The following EPB41L5 variants were observed in gnomAD, a reference collection of about 807,000 sequenced individuals.
EPB41L5 encodes the protein erythrocyte membrane protein band 4.1 like 5, also known as band 4.1-like protein 5.
Under a neutral mutation model 106.6 loss-of-function variants are expected in EPB41L5, and 55 were observed. The observed-to-expected ratio is 0.52, with a 90% confidence interval of 0.42 to 0.65. The LOEUF (loss-of-function observed/expected upper bound fraction) is 0.65. Ranked by LOEUF, EPB41L5 falls within the 30% of genes least tolerant of loss-of-function variation. The pLI, the probability that EPB41L5 is intolerant of heterozygous loss-of-function variation, is 0.00. For synonymous variants in EPB41L5, 297 were observed against 306.7 expected (o/e 0.97, Z 0.33); for missense variants, 871 against 882.1 (o/e 0.99, Z 0.16).
At chr2:120,112,744 C>T (rs1336538601) in intron 16 of EPB41L5, among the ~76,000 whole-genome samples, 2 of 152,138 alleles carry the variant, frequency 1.3e-5, no homozygotes, top group South Asian at 2.1e-4. Context: ...GGGAAGGTAT[C>T]GTGATAATAA....
rs1687321181 is a variant in EPB41L5, at chr2:120,164,889, T to G, written c.1941T>G (p.Ile647Met). 1 of 1,611,012 alleles carries G rather than the reference T, an allele frequency of 6.2e-7. No individual in the cohort carries two copies. Among genetic ancestry groups the G allele is most frequent in the Non-Finnish European group, 8.5e-7 (1 of 1,178,636 alleles). ...ALLASLTENL[I>M]DHTVAPQVSS... ...TTGCATCTCTAACTGAGAATCTAATTGATCACACAGTTGCACCTCAGGTAA... is the reference window on the plus strand; with the variant it reads ...TTGCATCTCTAACTGAGAATCTAATGGATCACACAGTTGCACCTCAGGTAA... Residue 647 changes from isoleucine to methionine, a missense_variant, in exon 22 of 25, where the codon ATT (isoleucine) becomes ATG (methionine). Transcript: ENST00000263713.
At chr2:120,039,443 T>C (rs1679252211) in intron 2 of EPB41L5, among the ~76,000 whole-genome samples, 1 of 152,098 alleles carries the variant, frequency 6.6e-6, no homozygotes, top group South Asian at 2.1e-4. Flanking sequence ...TGTGTTATAC[T>C]TTAAAAAAAG....
At chr2:120,071,333 A>G (rs943610280) in intron 3 of EPB41L5, among the ~76,000 whole-genome samples, 2 of 152,208 alleles carry the variant, frequency 1.3e-5, no homozygotes, top group African/African-American at 2.4e-5. Flanking sequence ...GTAAGAGAGG[A>G]CACAAACAAA....
intron 12 of EPB41L5, 120 bp from the exon 13 acceptor site, chr2:120,091,435 C>A: frequency 1.5e-6 from 1 of 658,350 alleles, no homozygotes; most frequent in Non-Finnish European, 2.7e-6. Flanking sequence ...AGTAGCTGTT[C>A]CTGTGCGATG....
intron 3 of EPB41L5, among the ~76,000 whole-genome samples, chr2:120,043,330 C>T (rs1425369653): frequency 6.6e-6 from 1 of 151,890 alleles, no homozygotes; most frequent in African/African-American, 2.4e-5. Flanking sequence ...TACTTGAGGT[C>T]AGGAGTTTGA....
chr2:120,137,644 C>G (rs1685984995), intron 18 of EPB41L5, among the ~76,000 whole-genome samples: 2 of 151,960 alleles, frequency 1.3e-5, no homozygotes, highest in Non-Finnish European at 2.9e-5. Context: ...CCTACCAGGA[C>G]TGAACCAAGA....
At chr2:120,074,367 A>C (rs990600516) in intron 5 of EPB41L5, 189 bp downstream of exon 5, 1 of 518,164 alleles carries the variant, frequency 1.9e-6, no homozygotes, top group Non-Finnish European at 3.4e-6. Context: ...TAGCATTTTC[A>C]AAATAAAGAG....
intron 16 of EPB41L5, among the ~76,000 whole-genome samples, chr2:120,109,827 T>G (rs1684637686): frequency 6.6e-6 from 1 of 152,234 alleles, no homozygotes; most frequent in Non-Finnish European, 1.5e-5. Context: ...CTCTTCTTTC[T>G]CTTAATCTCT....
intron 3 of EPB41L5, among the ~76,000 whole-genome samples, chr2:120,049,213 T>G (rs1680043831): frequency 6.6e-6 from 1 of 152,206 alleles, no homozygotes; most frequent in African/African-American, 2.4e-5. Flanking sequence ...TTCCTGGATA[T>G]CCTTGTTAAC....
intron 1 of EPB41L5, among the ~76,000 whole-genome samples, chr2:120,014,578 C>A (rs1558793343): frequency 1.3e-5 from 2 of 152,160 alleles, no homozygotes; most frequent in Non-Finnish European, 2.9e-5. Flanking sequence ...CGAATTTAGA[C>A]TCACAAGTCT....
chr2:120,135,736 A>T (rs1186982964), intron 18 of EPB41L5, among the ~76,000 whole-genome samples: 1 of 152,144 alleles, frequency 6.6e-6, no homozygotes, highest in African/African-American at 2.4e-5. Context: ...CTAAAATAGT[A>T]TATCCATGTT....
chr2:120,049,566 G>T (rs986681724), intron 3 of EPB41L5, among the ~76,000 whole-genome samples: 3 of 151,902 alleles, frequency 2.0e-5, no homozygotes, highest in African/African-American at 7.3e-5. Flanking sequence ...TGTCTCTGCA[G>T]GTGAGATGGG....
At chr2:120,128,709 T>G (rs1041688787) in intron 17 of EPB41L5, among the ~76,000 whole-genome samples, 2 of 130,526 alleles carry the variant, frequency 1.5e-5, no homozygotes, top group African/African-American at 6.0e-5. Context: ...TACATCATGG[T>G]TTTTTTTTTT....
intron 3 of EPB41L5, among the ~76,000 whole-genome samples, chr2:120,051,759 G>T (rs1398237284): frequency 2.6e-5 from 4 of 152,154 alleles, no homozygotes; most frequent in African/African-American, 9.7e-5. Flanking sequence ...GAAATTACCT[G>T]TCTTCTCTCT....
At chr2:120,134,413 C>G (rs1344802340) in intron 18 of EPB41L5, among the ~76,000 whole-genome samples, 1 of 152,126 alleles carries the variant, frequency 6.6e-6, no homozygotes, top group East Asian at 1.9e-4. Flanking sequence ...TCACCACTTG[C>G]TGACGGAAGA....
chr2:120,099,763 G>T (rs970176038), intron 14 of EPB41L5, among the ~76,000 whole-genome samples: 2 of 152,140 alleles, frequency 1.3e-5, no homozygotes, highest in African/African-American at 4.8e-5. Flanking sequence ...TAAGTCATTT[G>T]GAGAGGAAGG....
intron 16 of EPB41L5, among the ~76,000 whole-genome samples, chr2:120,116,544 T>C (rs1037131661): frequency 6.6e-6 from 1 of 152,072 alleles, no homozygotes; most frequent in Non-Finnish European, 1.5e-5. Flanking sequence ...TTTTTTGAGA[T>C]AGGGTCTTGC....
At chr2:120,082,791 T>C (rs1682769658) in intron 10 of EPB41L5, among the ~76,000 whole-genome samples, 1 of 152,210 alleles carries the variant, frequency 6.6e-6, no homozygotes, top group South Asian at 2.1e-4. Flanking sequence ...GAGCCTGTTA[T>C]TGGTCTATTC....
At chr2:120,118,646 C>T (rs1685064907) in intron 16 of EPB41L5, among the ~76,000 whole-genome samples, 1 of 152,162 alleles carries the variant, frequency 6.6e-6, no homozygotes, top group East Asian at 1.9e-4. Flanking sequence ...GCTTCCAGTT[C>T]TATCCATGTC....
Sources: allele counts gnomAD v4.1 joint callset (sites outside exome capture counted in the v4.1 genomes callset), GRCh38; gene constraint gnomAD v4.1.1; transcripts MANE v1.5; gene names NCBI Gene and HGNC (gene_info 2026-07-23, HGNC 2026-07-21).